The following KCNC4 variants were observed in gnomAD, a reference collection of about 807,000 sequenced individuals.
The protein encoded by KCNC4 is voltage-gated potassium channel KCNC4.
Under a neutral mutation model 42.8 loss-of-function variants are expected in KCNC4, and 23 were observed. That is an observed-to-expected ratio of 0.54 (90% confidence interval 0.39 to 0.76). The LOEUF is 0.76. Ranked by LOEUF, KCNC4 falls within the 30% of genes least tolerant of loss-of-function variation. The pLI, the probability that KCNC4 is intolerant of heterozygous loss-of-function variation, is 0.00. For missense variants in KCNC4, 751 were observed against 898.2 expected (o/e 0.84, Z 2.10); for synonymous variants, 422 against 393.5 (o/e 1.07, Z -0.86).
exon 4 of KCNC4, chr1:110,246,115 A>C (rs1277012598): frequency 1.3e-5 from 2 of 152,230 alleles, no homozygotes; most frequent in Non-Finnish European, 2.9e-5. Context: ...AGCTAATGCC[A>C]AACTGGGATT....
At chr1:110,230,805 T>C (rs780004425) in intron 3 of KCNC4, among the ~76,000 whole-genome samples, 3 of 152,204 alleles carry the variant, frequency 2.0e-5, no homozygotes, top group African/African-American at 7.2e-5. Flanking sequence ...CCTCTGGGCC[T>C]GCCCAGGGCC....
chr1:110,211,613 C>T lies in KCNC4; in HGVS notation c.114C>T (p.Ile38=), dbSNP rs1282007153. Residue 38 remains isoleucine (I), a synonymous_variant, in exon 1 of 4, where the codon ATC becomes ATT. Transcript: ENST00000438661. The surrounding 1 kb of genome is among the most constrained non-coding windows in gnomAD (Gnocchi z 6.5). ...EMAKGEASEK[I]IINVGGTRHE... is the part of the protein sequence containing the mutation. The stretch of plus-strand genomic sequence containing the variant: ...CCAAGGGCGAGGCGTCGGAGAAGAT[C>T]ATCATCAACGTGGGCGGCACGCGAC... The T allele has an allele frequency of 1.9e-6, 3 of 1,613,932 alleles. No individual in the cohort carries two copies. The African/African-American group carries it at 4.0e-5, about 22-fold the overall frequency.
downstream of KCNC4, among the ~76,000 whole-genome samples, chr1:110,251,261 C>T (rs1432159970): frequency 1.3e-5 from 2 of 152,226 alleles, no homozygotes; most frequent in African/African-American, 4.8e-5. Flanking sequence ...CAAATCTCAT[C>T]TTGAATTGTA....
intron 2 of KCNC4, chr1:110,282,864 C>T (rs1659853028): frequency 1.3e-5 from 2 of 152,192 alleles, no homozygotes; most frequent in Admixed American, 6.5e-5. Context: ...GGAGACATGA[C>T]TTAAGAGAGA....
downstream of KCNC4, chr1:110,238,958 C>G (rs1428043676): frequency 6.6e-6 from 1 of 152,174 alleles, no homozygotes; most frequent in Admixed American, 6.5e-5. Flanking sequence ...GTATTCCAAC[C>G]TATTACCAAG....
intron 1 of KCNC4, among the ~76,000 whole-genome samples, chr1:110,262,476 A>T (rs1412012421): frequency 2.6e-5 from 4 of 152,114 alleles, no homozygotes; most frequent in Admixed American, 2.6e-4. Context: ...ACCCTGCCCC[A>T]GTGCCTACCT....
rs1281776070 is a variant in KCNC4 at position 110,210,836 on chromosome 1, C to T, written c.-664C>T. On this transcript the variant is annotated 5_prime_UTR_variant, in exon 1 of 4. Coordinates refer to ENST00000438661, the MANE Select transcript of KCNC4 (RefSeq NM_001039574.3). ...GCGCAGCCCCCGCCCGCCCGGCCGC[C>T]GCTCTCTGCTCTGCCCCGCCTGCCT... 6.6e-6 allele frequency among the ~76,000 whole-genome samples: 1 copy of T among 152,130 alleles called. No homozygotes were observed.
Position 110,273,494 on chromosome 1 carries a change from G to A in KCNC4, n.31-9040G>A, listed in dbSNP as rs552438984. ...GTTATCATCTCTCCTTCCCTCCGCT[G>A]ACACTAATGCCGAGCCTGGCACTCA... On this transcript the variant is annotated intron_variant and non_coding_transcript_variant, in intron 1 of 2. Coordinates refer to the KCNC4 transcript ENST00000412512. Among the ~76,000 whole-genome samples the A allele has an allele frequency of 5.9e-5, 9 of 152,288 alleles. No individual in the cohort carries two copies. The East Asian group carries it at 1.2e-3, about 20-fold the overall frequency.
chr1:110,254,926 C>T (rs181456888), intron 1 of KCNC4, among the ~76,000 whole-genome samples: 130 of 152,340 alleles, frequency 8.5e-4, no homozygotes, highest in Middle Eastern at 3.4e-3. Context: ...CATTCAATTC[C>T]GTATTAGCTC....
At chr1:110,232,573 C>T (rs17025562) in intron 3 of KCNC4, 40,242 of 1,435,056 alleles carry the variant, frequency 0.028, 1,633 homozygotes, top group African/African-American at 0.13. Flanking sequence ...CTAGTGGTTC[C>T]TGGAGCTAGT....
At chr1:110,259,893 T>C (rs1316490137) in intron 1 of KCNC4, among the ~76,000 whole-genome samples, 1 of 152,164 alleles carries the variant, frequency 6.6e-6, no homozygotes, top group African/African-American at 2.4e-5. Context: ...GGGTGCCTTT[T>C]TGTGTGATTG....
intron 3 of KCNC4, among the ~76,000 whole-genome samples, chr1:110,228,086 A>C (rs532942094): frequency 6.6e-6 from 1 of 152,234 alleles, no homozygotes; most frequent in African/African-American, 2.4e-5. Flanking sequence ...CCAAACTCCC[A>C]ATGCACACTC....
chr1:110,260,355 G>C (rs897087711), intron 1 of KCNC4, among the ~76,000 whole-genome samples: 3 of 152,172 alleles, frequency 2.0e-5, no homozygotes, highest in African/African-American at 2.4e-5. Context: ...AGACTAGATA[G>C]TGTGAGAAAA....
rs1203945718 is a variant in KCNC4, at chr1:110,210,593, C to A, written c.-907C>A. ...CAGGTGTCCTTGGCCGCTCGGCCGCCGCCCCCGGTACACCTTCGCCAGTGC... is the reference window on the plus strand; with the variant it reads ...CAGGTGTCCTTGGCCGCTCGGCCGCAGCCCCCGGTACACCTTCGCCAGTGC... On this transcript the variant is annotated 5_prime_UTR_variant, in exon 1 of 4. Transcript: ENST00000438661. Among the ~76,000 whole-genome samples, 3 of 151,592 alleles carry A rather than the reference C, an allele frequency of 2.0e-5. No homozygotes were observed. Among genetic ancestry groups the A allele is most frequent in the Non-Finnish European group, 4.4e-5 (3 of 67,856 alleles).
intron 3 of KCNC4, chr1:110,232,659 G>T: frequency 1.4e-6 from 2 of 1,454,070 alleles, no homozygotes; most frequent in South Asian, 2.9e-5. Context: ...AGGGGTGAAG[G>T]GTTCACCCCA....
chr1:110,268,387 C>G (rs1557874774), intron 1 of KCNC4, among the ~76,000 whole-genome samples: 1 of 152,108 alleles, frequency 6.6e-6, no homozygotes, highest in Non-Finnish European at 1.5e-5. Context: ...GCGGGCAGAT[C>G]ACGAGGTCAG....
chr1:110,230,683 CG>C (rs1557863617), intron 3 of KCNC4, among the ~76,000 whole-genome samples: 1 of 152,210 alleles, frequency 6.6e-6, no homozygotes, highest in African/African-American at 2.4e-5. Context: ...CCTAATGCCT[CG>C]GGGAGCTGGC....
rs1658743547 is a variant in KCNC4 at position 110,232,458 on chromosome 1, T to C, written c.1820-453T>C. 4 of 1,461,308 alleles carry C rather than the reference T, an allele frequency of 2.7e-6. No individual in the cohort carries two copies. The African/African-American group carries it at 4.2e-5, about 15-fold the overall frequency. The allele number at this position is 1,461,308 out of a possible 1,614,324, so 90.5% of individuals were successfully genotyped here. A position where few individuals can be genotyped will look rare whatever the true frequency, so the allele number is the denominator to read the frequency against. On this transcript the variant is annotated intron_variant, in intron 3 of 3. Coordinates refer to ENST00000438661, the MANE Select transcript of KCNC4 (RefSeq NM_001039574.3). Reference sequence around the variant, plus strand: ...TCAGGCAACAGCTGGGGTGATGGCCTGTGAGCCACAGGCCACATCAGGAAC... The same window carrying C: ...TCAGGCAACAGCTGGGGTGATGGCCCGTGAGCCACAGGCCACATCAGGAAC...
At chr1:110,269,014 C>A (rs888724390) in intron 1 of KCNC4, among the ~76,000 whole-genome samples, 2 of 152,190 alleles carry the variant, frequency 1.3e-5, no homozygotes, top group African/African-American at 4.8e-5. Context: ...CCGCGCCCGG[C>A]CTACCCTGAG....
Sources: gnomAD v4.1 joint callset for allele counts (sites outside exome capture counted in the v4.1 genomes callset) on GRCh38, gnomAD v4.1.1 for gene constraint, Gnocchi (gnomAD v3.1) non-coding constraint, MANE v1.5 for transcripts, NCBI Gene and HGNC (gene_info 2026-07-23, HGNC 2026-07-21) for gene names.